Variants in LINGO2 observed in about 807,000 individuals in gnomAD.
LINGO2 encodes leucine rich repeat and Ig domain containing 2, also known as leucine-rich repeat and immunoglobulin-like domain-containing nogo receptor-interacting protein 2.
A neutral mutation model predicts 30.6 loss-of-function variants in LINGO2; 14 were observed. The observed-to-expected ratio is 0.46, with a 90% CI of 0.30 to 0.72. LINGO2 has a LOEUF of 0.72. Among genes scored for constraint, LINGO2 ranks in the 30% least tolerant of loss-of-function variants. The pLI, the probability that LINGO2 is intolerant of heterozygous loss-of-function variation, is 0.07. For synonymous variants in LINGO2, 317 were observed against 288.5 expected (o/e 1.10, Z -1.00); for missense variants, 729 against 751.7 (o/e 0.97, Z 0.35).
At chr9:28,468,824 G>C (rs755531926) in intron 2 of LINGO2, among the ~76,000 whole-genome samples, 1 of 152,156 alleles carries the variant, frequency 6.6e-6, no homozygotes, top group Non-Finnish European at 1.5e-5. Flanking sequence ...CCCCTGCACA[G>C]AGCCAGTGTG....
intron 4 of LINGO2, among the ~76,000 whole-genome samples, chr9:28,240,413 C>G (rs1821740257): frequency 6.6e-6 from 1 of 152,216 alleles, no homozygotes; most frequent in Non-Finnish European, 1.5e-5. Context: ...CAGCATGGTA[C>G]TGGCAAAAAA....
intron 5 of LINGO2, among the ~76,000 whole-genome samples, chr9:27,960,261 G>A (rs1483563433): frequency 1.3e-5 from 2 of 152,064 alleles, no homozygotes; most frequent in South Asian, 2.1e-4. Flanking sequence ...TAGAGTCCTG[G>A]TTAATCAATC....
the LINGO2 span, among the ~76,000 whole-genome samples, chr9:28,878,624 A>G: frequency 6.6e-6 from 1 of 152,214 alleles, no homozygotes; most frequent in Non-Finnish European, 1.5e-5. Context: ...GCAGAATATC[A>G]AAAAGCTTAT....
chr9:28,089,783 T>A, intron 4 of LINGO2, among the ~76,000 whole-genome samples: 1 of 152,170 alleles, frequency 6.6e-6, no homozygotes, highest in South Asian at 2.1e-4. Context: ...AGGAGCTGGT[T>A]TTTTGAAAAG....
intron 1 of LINGO2, among the ~76,000 whole-genome samples, chr9:28,532,047 T>C (rs1354136302): frequency 1.3e-5 from 2 of 152,170 alleles, no homozygotes; most frequent in African/African-American, 4.8e-5. Context: ...TTAGGAGTCA[T>C]TCAGATTTTT....
the LINGO2 span, among the ~76,000 whole-genome samples, chr9:28,965,845 C>T: frequency 6.6e-6 from 1 of 151,980 alleles, no homozygotes; most frequent in Non-Finnish European, 1.5e-5. Context: ...TAAATATATC[C>T]ATGTGGCAGA....
chr9:28,280,702 T>C (rs1299145333), intron 4 of LINGO2, among the ~76,000 whole-genome samples: 1 of 152,130 alleles, frequency 6.6e-6, no homozygotes. Context: ...GTTGATCCAG[T>C]AGTAAGTACT....
At chr9:29,127,013 T>A in the LINGO2 span, among the ~76,000 whole-genome samples, 67 of 152,222 alleles carry the variant, frequency 4.4e-4, no homozygotes, top group Non-Finnish European at 8.2e-4. Flanking sequence ...TACATTTGCA[T>A]AGAGGTGTAT....
chr9:28,051,784 A>C (rs1824686451), intron 4 of LINGO2, among the ~76,000 whole-genome samples: 2 of 152,074 alleles, frequency 1.3e-5, no homozygotes. Context: ...TTGTAAGTTG[A>C]TATAAACAGA....
intron 4 of LINGO2, among the ~76,000 whole-genome samples, chr9:28,028,283 C>A (rs1348236855): frequency 1.3e-5 from 2 of 152,166 alleles, no homozygotes; most frequent in Admixed American, 6.5e-5. Context: ...CACAACTAGG[C>A]AGGTGCAATG....
intron 4 of LINGO2, among the ~76,000 whole-genome samples, chr9:28,035,162 G>C (rs1823870619): frequency 6.6e-6 from 1 of 152,198 alleles, no homozygotes; most frequent in African/African-American, 2.4e-5. Context: ...TGGTACCATG[G>C]TCTGGAGTTG....
intron 1 of LINGO2, among the ~76,000 whole-genome samples, chr9:28,601,584 T>C (rs988004614): frequency 3.3e-5 from 5 of 152,064 alleles, no homozygotes; most frequent in African/African-American, 7.2e-5. Flanking sequence ...TAGCATCTTA[T>C]TATGGTGTTT....
At chr9:29,120,904 A>G in the LINGO2 span, among the ~76,000 whole-genome samples, 1 of 152,166 alleles carries the variant, frequency 6.6e-6, no homozygotes, top group African/African-American at 2.4e-5. Flanking sequence ...AGCACCATAA[A>G]TGGTGTATAA....
the LINGO2 span, among the ~76,000 whole-genome samples, chr9:28,992,462 C>CAT: frequency 6.7e-6 from 1 of 150,278 alleles, no homozygotes; most frequent in Admixed American, 6.6e-5. Context: ...ATCAATGAGA[C>CAT]AAAGTTAACA....
At chr9:28,595,722 A>G (rs1825141638) in intron 1 of LINGO2, among the ~76,000 whole-genome samples, 1 of 152,146 alleles carries the variant, frequency 6.6e-6, no homozygotes, top group South Asian at 2.1e-4. Context: ...TATAAACTAC[A>G]TTACAATGGC....
At chr9:28,245,480 G>T (rs548409966) in intron 4 of LINGO2, among the ~76,000 whole-genome samples, 6 of 152,108 alleles carry the variant, frequency 3.9e-5, no homozygotes, top group Non-Finnish European at 8.8e-5. Flanking sequence ...AATAAAAAAA[G>T]GTTTTCAATT....
chr9:28,301,516 T>C (rs1824141972), intron 3 of LINGO2, among the ~76,000 whole-genome samples: 1 of 152,200 alleles, frequency 6.6e-6, no homozygotes, highest in Non-Finnish European at 1.5e-5. Flanking sequence ...AATCACCATG[T>C]CTAGAGTGAG....
the LINGO2 span, among the ~76,000 whole-genome samples, chr9:29,134,676 A>C: frequency 7.9e-5 from 12 of 152,144 alleles, no homozygotes; most frequent in Non-Finnish European, 1.5e-4. Context: ...TTTGTATAAT[A>C]ATCCATTATT....
chr9:28,194,773 A>G (rs955757949), intron 4 of LINGO2, among the ~76,000 whole-genome samples: 1 of 151,988 alleles, frequency 6.6e-6, no homozygotes, highest in African/African-American at 2.4e-5. Context: ...AAATTAATTA[A>G]GCTAAAAATA....
Sources: allele counts gnomAD v4.1 joint callset (sites outside exome capture counted in the v4.1 genomes callset), GRCh38; gene constraint gnomAD v4.1.1; transcripts MANE v1.5; gene names NCBI Gene and HGNC (gene_info 2026-07-23, HGNC 2026-07-21).